Variants in DAG1 observed in about 807,000 individuals in gnomAD.
The protein encoded by DAG1 is dystroglycan 1 (dystrophin-associated glycoprotein 1).
A neutral mutation model predicts 46.1 loss-of-function variants in DAG1; 8 were observed. The ratio of observed to expected loss-of-function variants is 0.17; its 90% CI spans 0.10 to 0.31. The LOEUF (loss-of-function observed/expected upper bound fraction) is 0.31, where lower values mean the gene tolerates loss of function less well. Among genes scored for constraint, DAG1 ranks in the 10% least tolerant of loss-of-function variants. The pLI, the probability that DAG1 is intolerant of heterozygous loss-of-function variation, is 1.00. For synonymous variants in DAG1, 495 were observed against 481.8 expected (o/e 1.03, Z -0.36); for missense variants, 1,003 against 1,189.9 (o/e 0.84, Z 2.31).
chr3:49,496,270 T>C (rs1055153801), intron 1 of DAG1, among the ~76,000 whole-genome samples: 2 of 151,788 alleles, frequency 1.3e-5, no homozygotes, highest in African/African-American at 4.8e-5. Flanking sequence ...CCTCCCAGGC[T>C]CAAGCAGTCC....
At position 49,533,371 on chromosome 3, in the gene DAG1, C is replaced by T; in HGVS notation, c.*172C>T. 1.0e-6 allele frequency: 1 copy of T among 974,754 alleles called. No homozygotes were observed. The highest frequency in any genetic ancestry group is 1.6e-6 in the Non-Finnish European group (1 of 634,186). The allele number at this position is 974,754 out of a possible 1,614,324, so 60.4% of individuals were successfully genotyped here. A position where few individuals can be genotyped will look rare whatever the true frequency, so the allele number is the denominator to read the frequency against. The stretch of plus-strand genomic sequence containing the variant: ...CCGCCCTCTCTGGTCCTCCCAAACC[C>T]CAAAGCAGCTGGAGAGACTTTGGGG... On this transcript the variant is annotated 3_prime_UTR_variant, in exon 3 of 3. Transcript: ENST00000308775.
At chr3:49,482,747 C>T (rs958277706) in intron 1 of DAG1, among the ~76,000 whole-genome samples, 7 of 152,010 alleles carry the variant, frequency 4.6e-5, no homozygotes, top group South Asian at 4.1e-4. Context: ...TCATGGATAC[C>T]GAGGGAAGAG....
chr3:49,503,796 C>G (rs557940266), intron 1 of DAG1, among the ~76,000 whole-genome samples: 31 of 150,702 alleles, frequency 2.1e-4, no homozygotes, highest in Non-Finnish European at 3.7e-4. Context: ...CCATTGTACT[C>G]CAGCCTGGGC....
chr3:49,494,414 T>C (rs1442466559), intron 1 of DAG1, among the ~76,000 whole-genome samples: 1 of 152,128 alleles, frequency 6.6e-6, no homozygotes, highest in African/African-American at 2.4e-5. Context: ...CTCACTCCTC[T>C]GTTTTGGAGT....
At chr3:49,491,587 C>T (rs2050185598) in intron 1 of DAG1, among the ~76,000 whole-genome samples, 1 of 151,822 alleles carries the variant, frequency 6.6e-6, no homozygotes, top group Non-Finnish European at 1.5e-5. Flanking sequence ...CGCCATTCTC[C>T]TGCCTCAGCC....
At chr3:49,518,523 T>C (rs896697450) in intron 2 of DAG1, among the ~76,000 whole-genome samples, 2 of 152,180 alleles carry the variant, frequency 1.3e-5, no homozygotes, top group Admixed American at 6.5e-5. Context: ...TATATTGGTG[T>C]ATACTTTACA....
intron 1 of DAG1, among the ~76,000 whole-genome samples, chr3:49,492,285 C>G (rs1189535284): frequency 6.6e-6 from 1 of 152,204 alleles, no homozygotes; most frequent in Non-Finnish European, 1.5e-5. Flanking sequence ...TGGACAGATA[C>G]ATAACAATAC....
chr3:49,481,275 T>C, intron 1 of DAG1, among the ~76,000 whole-genome samples: 1 of 150,102 alleles, frequency 6.7e-6, no homozygotes, highest in Admixed American at 6.7e-5. Context: ...TAGGCGCCTG[T>C]AGTCCCAGCT....
intron 1 of DAG1, among the ~76,000 whole-genome samples, chr3:49,474,892 A>G (rs1204157805): frequency 6.6e-6 from 1 of 151,520 alleles, no homozygotes; most frequent in African/African-American, 2.4e-5. Context: ...CCTCACTGCA[A>G]GCTCCGCCTC....
At chr3:49,477,238 C>T (rs928904946) in intron 1 of DAG1, among the ~76,000 whole-genome samples, 11 of 152,058 alleles carry the variant, frequency 7.2e-5, no homozygotes, top group African/African-American at 2.7e-4. Flanking sequence ...GTCAGGTGAT[C>T]TGCCCGCCTC....
chr3:49,516,170 C>T (rs1202742456), intron 2 of DAG1, among the ~76,000 whole-genome samples: 2 of 152,208 alleles, frequency 1.3e-5, no homozygotes, highest in African/African-American at 4.8e-5. Context: ...GCAGCTTTCC[C>T]ACAAAACTCT....
intron 2 of DAG1, among the ~76,000 whole-genome samples, chr3:49,529,002 C>A (rs1038530490): frequency 2.0e-5 from 3 of 151,996 alleles, no homozygotes; most frequent in Non-Finnish European, 4.4e-5. Flanking sequence ...AGGTGCCTGC[C>A]ACCACATCCG....
At chr3:49,528,119 C>T (rs1259904246) in intron 2 of DAG1, among the ~76,000 whole-genome samples, 3 of 151,966 alleles carry the variant, frequency 2.0e-5, no homozygotes, top group Non-Finnish European at 4.4e-5. Flanking sequence ...TACTTATTTG[C>T]TTCATGGTGG....
At chr3:49,520,162 T>A (rs928948604) in intron 2 of DAG1, among the ~76,000 whole-genome samples, 5 of 152,238 alleles carry the variant, frequency 3.3e-5, no homozygotes, top group African/African-American at 1.2e-4. Context: ...GACCTTAAGC[T>A]AGAGGCTCTT....
In DAG1 at chr3:49,523,838, T is replaced by C. The variant is rs143449066; in HGVS notation, c.286-6959T>C. Among the ~76,000 whole-genome samples, 16 of 152,282 alleles carry C rather than the reference T, an allele frequency of 1.1e-4. No individual in the cohort carries two copies. The East Asian group carries it at 3.1e-3, about 29-fold the overall frequency. On this transcript the variant is annotated intron_variant, in intron 2 of 2. Transcript: ENST00000308775. The stretch of plus-strand genomic sequence containing the variant: ...TGAGGTTGGGATTGTTTCCCTGATT[T>C]TACAGATGACACTGGGGCCAAGGTT...
intron 1 of DAG1, among the ~76,000 whole-genome samples, chr3:49,478,532 T>TA (rs1455386014): frequency 2.4e-5 from 3 of 124,744 alleles, no homozygotes; most frequent in Non-Finnish European, 5.2e-5. Context: ...CAAGAGTTTT[T>TA]TTTTTTTTTT....
chr3:49,535,418 C>T lies in DAG1; in HGVS notation c.*2219C>T, dbSNP rs1210038771. 7 of 152,702 alleles carry T rather than the reference C, an allele frequency of 4.6e-5. No homozygotes were observed. The highest frequency in any genetic ancestry group is 3.9e-4 in the Admixed American group (6 of 15,288). The allele number at this position is 152,702 out of a possible 1,614,324, so 9.5% of individuals were successfully genotyped here. ...AACAGAATAACAACAGCAACAATGC[C>T]TTTGCAGGCAGCCTGCTCCCCTGAG... is the stretch of plus-strand genomic sequence containing the variant. On this transcript the variant is annotated 3_prime_UTR_variant, in exon 3 of 3. Transcript: ENST00000308775.
intron 2 of DAG1, among the ~76,000 whole-genome samples, chr3:49,528,618 T>C (rs1349884508): frequency 6.6e-6 from 1 of 152,040 alleles, no homozygotes; most frequent in Non-Finnish European, 1.5e-5. Context: ...AAAAATATTT[T>C]TAAAGAAAAA....
rs2051488423 is a variant in DAG1 at position 49,535,576 on chromosome 3, A to G, written c.*2377A>G. 6.5e-6 allele frequency: 1 copy of G among 152,678 alleles called. No individual in the cohort carries two copies. The highest frequency in any genetic ancestry group is 6.5e-5 in the Admixed American group (1 of 15,286). The allele number at this position is 152,678 out of a possible 1,614,324, so 9.5% of individuals were successfully genotyped here. ...GATGTGTTTTCTGCATTCTGTAAAG[A>G]AACATATCAAACTAAATAAAAGCAG... On this transcript the variant is annotated 3_prime_UTR_variant, in exon 3 of 3. Coordinates refer to ENST00000308775, the MANE Select transcript of DAG1 (RefSeq NM_004393.6).
Sources: gnomAD v4.1 joint callset for allele counts (sites outside exome capture counted in the v4.1 genomes callset) on GRCh38, gnomAD v4.1.1 for gene constraint, MANE v1.5 for transcripts, NCBI Gene and HGNC (gene_info 2026-07-23, HGNC 2026-07-21) for gene names.